VLDLR: variants seen among roughly 807,000 people sequenced by gnomAD.
VLDLR encodes the protein very low density lipoprotein receptor.
A neutral mutation model predicts 112.7 loss-of-function variants in VLDLR; 81 were observed. The observed-to-expected ratio is 0.72, with a 90% CI of 0.60 to 0.86. VLDLR has a LOEUF of 0.86. VLDLR is among the 40% of genes least tolerant of loss of function. VLDLR has a pLI of 0.00. For synonymous variants in VLDLR, 436 were observed against 384.8 expected, an observed-to-expected ratio of 1.13 and a Z score of -1.56; for missense variants, 1,237 against 1,099.4, an observed-to-expected ratio of 1.13 and a Z score of -1.77.
Position 2,651,310 on chromosome 9 carries a change from A to T in VLDLR, c.2252-105A>T, listed in dbSNP as rs370762020. The T allele has an allele frequency of 5.4e-5, 51 of 950,296 alleles. 1 individual carries two copies. The highest frequency in any genetic ancestry group is 3.9e-4 in the East Asian group (15 of 38,560). The allele number at this position is 950,296 out of a possible 1,614,324, so 58.9% of individuals were successfully genotyped here. On this transcript the variant is annotated intron_variant, in intron 15 of 18. Transcript: ENST00000382100. Reference sequence around the variant, plus strand: ...AACTTAGTTCAGCAGTGGTTTGTCTATTTTACCTGGTTTTAAAATAACCTT... The same window carrying T: ...AACTTAGTTCAGCAGTGGTTTGTCTTTTTTACCTGGTTTTAAAATAACCTT...
intron 2 of VLDLR, 114 bp downstream of exon 2, chr9:2,635,686 A>C: frequency 6.7e-7 from 1 of 1,500,638 alleles, no homozygotes; most frequent in South Asian, 1.2e-5. Flanking sequence ...GCTTTGAAAG[A>C]ATCTATACTT....
intron 1 of VLDLR, among the ~76,000 whole-genome samples, chr9:2,623,517 A>T (rs549186385): frequency 6.6e-6 from 1 of 152,292 alleles, no homozygotes; most frequent in South Asian, 2.1e-4. Flanking sequence ...GCGAACTTTA[A>T]AGCATGTGGT....
rs1818612567 is a variant in VLDLR at position 2,656,475 on chromosome 9, C to T, written c.*2607C>T. 1 of 152,014 alleles carries T rather than the reference C, an allele frequency of 6.6e-6. No homozygotes were observed. Among genetic ancestry groups the T allele is most frequent in the African/African-American group, 2.4e-5 (1 of 41,404 alleles). 9.4% of individuals were successfully genotyped at this position (152,014 alleles called of 1,614,324 possible). A position where few individuals can be genotyped will look rare whatever the true frequency, so the allele number is the denominator to read the frequency against. On this transcript the variant is annotated 3_prime_UTR_variant, in exon 19 of 19. Coordinates refer to ENST00000382100, the MANE Select transcript of VLDLR (RefSeq NM_003383.5). Reference sequence around the variant, plus strand: ...ATAAAAGAAAAAAATAGTTATATGACTAAACTACTAGTCAATACAGCTTGC... The same window carrying T: ...ATAAAAGAAAAAAATAGTTATATGATTAAACTACTAGTCAATACAGCTTGC...
rs369197633 is a variant in VLDLR, at chr9:2,646,395, G to A, written c.1546G>A (p.Ala516Thr). 1.1e-5 allele frequency: 17 copies of A among 1,614,174 alleles called. No individual in the cohort carries two copies. In the East Asian group the frequency reaches 3.3e-4, roughly 32 times the overall value. ...AATGATCGACAATGTCTATAATCCTGCAGCCATTGCTGTTGATTGGGTGTA... is the reference window on the plus strand; with the variant it reads ...AATGATCGACAATGTCTATAATCCTACAGCCATTGCTGTTGATTGGGTGTA... The part of the protein sequence containing the change: ...VKMIDNVYNP[A>T]AIAVDWVYKT... Residue 516 changes from alanine (A) to threonine (T), a missense_variant, in exon 11 of 19, where the codon GCA becomes ACA. Transcript: ENST00000382100.
intron 14 of VLDLR, among the ~76,000 whole-genome samples, chr9:2,649,288 T>C (rs1044501110): frequency 3.3e-5 from 5 of 152,124 alleles, no homozygotes; most frequent in Non-Finnish European, 7.4e-5. Context: ...GAGGGAAGGG[T>C]CTGTTCCAGG....
intron 2 of VLDLR, among the ~76,000 whole-genome samples, chr9:2,638,190 A>T (rs1817678641): frequency 6.6e-6 from 1 of 152,176 alleles, no homozygotes; most frequent in African/African-American, 2.4e-5. Flanking sequence ...CATGAATCTA[A>T]AGCTAGCATG....
At chr9:2,624,786 T>C (rs1817014236) in intron 1 of VLDLR, among the ~76,000 whole-genome samples, 1 of 152,152 alleles carries the variant, frequency 6.6e-6, no homozygotes, top group Non-Finnish European at 1.5e-5. Context: ...GTACCCCTTA[T>C]CAAAGACTGA....
chr9:2,622,985 C>A (rs982230436), intron 1 of VLDLR, among the ~76,000 whole-genome samples: 1 of 152,210 alleles, frequency 6.6e-6, no homozygotes, highest in Non-Finnish European at 1.5e-5. Context: ...GGAAACCGCT[C>A]GGGTCTCCCG....
intron 1 of VLDLR, among the ~76,000 whole-genome samples, chr9:2,633,762 C>T (rs1817472682): frequency 6.6e-6 from 1 of 152,020 alleles, no homozygotes; most frequent in Non-Finnish European, 1.5e-5. Context: ...TTTCACAGTC[C>T]CCAAAGGTAG....
At chr9:2,635,155 A>G (rs1817545393) in intron 1 of VLDLR, among the ~76,000 whole-genome samples, 1 of 152,318 alleles carries the variant, frequency 6.6e-6, no homozygotes, top group Non-Finnish European at 1.5e-5. Context: ...TCTTAAGGAC[A>G]TTTCCCAAAG....
rs1394934988 is a variant in VLDLR, at chr9:2,622,054, C to T, written c.-136C>T. 3 of 868,668 alleles carry T rather than the reference C, an allele frequency of 3.5e-6. No individual in the cohort carries two copies. Among genetic ancestry groups the T allele is most frequent in the Non-Finnish European group, 3.4e-6 (2 of 590,766 alleles). 53.8% of individuals were successfully genotyped at this position (868,668 alleles called of 1,614,324 possible). A position where few individuals can be genotyped will look rare whatever the true frequency, so the allele number is the denominator to read the frequency against. On this transcript the variant is annotated 5_prime_UTR_variant, in exon 1 of 19. Transcript: ENST00000382100. Reference sequence around the variant, plus strand: ...TCTTCTTCCCCGCTCCCTTCCCCCGCCAACTCCTTCCCCTCCTTCTCCCCC... The same window carrying T: ...TCTTCTTCCCCGCTCCCTTCCCCCGTCAACTCCTTCCCCTCCTTCTCCCCC...
chr9:2,650,809 A>G (rs1014571812), intron 15 of VLDLR, among the ~76,000 whole-genome samples: 1 of 152,214 alleles, frequency 6.6e-6, no homozygotes, highest in African/African-American at 2.4e-5. Flanking sequence ...TGAGGCCTTA[A>G]CATTTTTCCT....
In VLDLR at chr9:2,654,361, T is replaced by TAA. The variant is rs1223251884; in HGVS notation, c.*495_*496dup. ...AAGATGAAATTGCCAAAAAAATTTA[T>TAA]AAACTAATTTTGTACGTATGAATGA... On this transcript the variant is annotated 3_prime_UTR_variant, in exon 19 of 19. Coordinates refer to ENST00000382100, the MANE Select transcript of VLDLR (RefSeq NM_003383.5). The TAA allele has an allele frequency of 4.3e-5, 7 of 162,314 alleles. No homozygotes were observed. Among genetic ancestry groups the TAA allele is most frequent in the African/African-American group, 1.7e-4 (7 of 41,524 alleles). 10.1% of individuals were successfully genotyped at this position (162,314 alleles called of 1,614,324 possible). A position where few individuals can be genotyped will look rare whatever the true frequency, so the allele number is the denominator to read the frequency against.
At chr9:2,636,996 A>AT (rs1817620773) in intron 2 of VLDLR, among the ~76,000 whole-genome samples, 1 of 152,216 alleles carries the variant, frequency 6.6e-6, no homozygotes, top group Non-Finnish European at 1.5e-5. Context: ...ATAGTCTTGT[A>AT]TAAGTACTCT....
At chr9:2,630,445 C>T (rs10967242) in intron 1 of VLDLR, among the ~76,000 whole-genome samples, 1 of 152,024 alleles carries the variant, frequency 6.6e-6, no homozygotes, top group Non-Finnish European at 1.5e-5. Context: ...GATGTAAATG[C>T]TTGGCCCTGG....
rs555501387 is a variant in VLDLR, at chr9:2,653,962, T to A, written c.*94T>A. Reference sequence around the variant, plus strand: ...AGCAGCTGAAGTCTCTTTTTCTTCCTCTCGGCTGGAAGAACATCAAGATAC... The same window carrying A: ...AGCAGCTGAAGTCTCTTTTTCTTCCACTCGGCTGGAAGAACATCAAGATAC... On this transcript the variant is annotated 3_prime_UTR_variant, in exon 19 of 19. Transcript: ENST00000382100. The A allele has an allele frequency of 7.5e-7, 1 of 1,334,846 alleles. No individual in the cohort carries two copies. Among genetic ancestry groups the A allele is most frequent in the Non-Finnish European group, 1.1e-6 (1 of 928,064 alleles). The allele number at this position is 1,334,846 out of a possible 1,614,324, so 82.7% of individuals were successfully genotyped here. A position where few individuals can be genotyped will look rare whatever the true frequency, so the allele number is the denominator to read the frequency against.
chr9:2,644,921 T>G (rs764078278), intron 8 of VLDLR, 36 bp from the exon 9 acceptor site: 1 of 1,614,016 alleles, frequency 6.2e-7, no homozygotes, highest in South Asian at 1.1e-5. Context: ...TAGTAAGGTA[T>G]AGGAGCAGCA....
chr9:2,626,859 G>C (rs1428278653), intron 1 of VLDLR, among the ~76,000 whole-genome samples: 1 of 152,128 alleles, frequency 6.6e-6, no homozygotes, highest in Admixed American at 6.5e-5. Context: ...GAGTAAACAG[G>C]GTTTCTATTT....
rs1271154984 is a variant in VLDLR, at chr9:2,659,831, G to A, written c.*5963G>A. On this transcript the variant is annotated 3_prime_UTR_variant, in exon 19 of 19. Transcript: ENST00000382100. ...GAGAGTTTTTTTGAACAAAATGACT[G>A]GCTTTGACAAAACTATCTTGCTCTT... The A allele has an allele frequency of 6.6e-6, 1 of 152,178 alleles. No individual in the cohort carries two copies. Among genetic ancestry groups the A allele is most frequent in the East Asian group, 1.9e-4 (1 of 5,190 alleles). 9.4% of individuals were successfully genotyped at this position (152,178 alleles called of 1,614,324 possible).
Sources: gnomAD v4.1 joint callset for allele counts (sites outside exome capture counted in the v4.1 genomes callset) on GRCh38, gnomAD v4.1.1 for gene constraint, MANE v1.5 for transcripts, NCBI Gene and HGNC (gene_info 2026-07-23, HGNC 2026-07-21) for gene names.